The following PAPPA2 variants were observed in gnomAD, a reference collection of about 807,000 sequenced individuals.
PAPPA2 encodes the protein pappalysin-2.
In PAPPA2, 86 loss-of-function variants were observed where a neutral mutation model predicts 176.4. The observed-to-expected ratio is 0.49, with a 90% CI of 0.41 to 0.58. PAPPA2 has a LOEUF of 0.58. PAPPA2 is among the 20% of genes least tolerant of loss of function. PAPPA2 has a pLI of 0.00. For synonymous variants in PAPPA2, 809 were observed against 852.2 expected (o/e 0.95, Z 0.88); for missense variants, 2,073 against 2,256.9 (o/e 0.92, Z 1.65).
intron 3 of PAPPA2, chr1:176,616,502 A>G (rs1335107047): frequency 1.1e-6 from 1 of 946,582 alleles, no homozygotes; most frequent in Non-Finnish European, 1.6e-6. Flanking sequence ...TATAACAACC[A>G]GGTTCTTCAC....
intron 1 of PAPPA2, among the ~76,000 whole-genome samples, chr1:176,524,688 G>A (rs2102542869): frequency 6.6e-6 from 1 of 152,246 alleles, no homozygotes; most frequent in African/African-American, 2.4e-5. Context: ...GAGAGCAGAA[G>A]TCTGGTTCTT....
intron 1 of PAPPA2, among the ~76,000 whole-genome samples, chr1:176,551,621 C>T (rs545960115): frequency 9.2e-5 from 14 of 152,288 alleles, no homozygotes; most frequent in Admixed American, 7.8e-4. Flanking sequence ...GATGACAAAG[C>T]TAATGAAAAC....
At chr1:176,774,789 T>G (rs550692884) in intron 17 of PAPPA2, among the ~76,000 whole-genome samples, 1 of 152,332 alleles carries the variant, frequency 6.6e-6, no homozygotes, top group South Asian at 2.1e-4. Flanking sequence ...AATATTAAGA[T>G]AGTTTCAGTG....
At chr1:176,527,735 A>C (rs2102547204) in intron 1 of PAPPA2, among the ~76,000 whole-genome samples, 1 of 152,268 alleles carries the variant, frequency 6.6e-6, no homozygotes, top group South Asian at 2.1e-4. Flanking sequence ...TTTAGAGCCA[A>C]AAAGAAGTTT....
At chr1:176,698,204 G>T (rs947736107) in intron 7 of PAPPA2, among the ~76,000 whole-genome samples, 2 of 151,810 alleles carry the variant, frequency 1.3e-5, no homozygotes, top group Non-Finnish European at 2.9e-5. Flanking sequence ...GGTAAATGTA[G>T]GTATTTAATT....
At chr1:176,792,947 T>C (rs1665247144) in intron 19 of PAPPA2, among the ~76,000 whole-genome samples, 1 of 152,216 alleles carries the variant, frequency 6.6e-6, no homozygotes. Context: ...TCTCTGCTTC[T>C]GATTCTTCAC....
chr1:176,731,926 T>G (rs577782733), intron 12 of PAPPA2, among the ~76,000 whole-genome samples: 1 of 152,274 alleles, frequency 6.6e-6, no homozygotes, highest in South Asian at 2.1e-4. Flanking sequence ...TTGGGCATAT[T>G]TAAACCTCAT....
chr1:176,783,365 A>G (rs770044442), intron 17 of PAPPA2, among the ~76,000 whole-genome samples: 12 of 152,200 alleles, frequency 7.9e-5, no homozygotes, highest in Non-Finnish European at 1.3e-4. Context: ...CAAATGGAAA[A>G]TAAATGTTAC....
At chr1:176,663,034 C>T (rs956139812) in intron 3 of PAPPA2, among the ~76,000 whole-genome samples, 2 of 152,084 alleles carry the variant, frequency 1.3e-5, no homozygotes, top group African/African-American at 2.4e-5. Flanking sequence ...GGTGCTGTTG[C>T]TATTAGCAGA....
intron 3 of PAPPA2, among the ~76,000 whole-genome samples, chr1:176,670,603 TG>T (rs1484247603): frequency 6.6e-6 from 1 of 152,182 alleles, no homozygotes; most frequent in East Asian, 1.9e-4. Context: ...AACTAAGAGT[TG>T]GAAGGCCTTC....
chr1:176,752,583 A>G lies in PAPPA2; in HGVS notation c.4151+12387A>G, dbSNP rs1248549393. ...CTTGCAATGCCCCAGACTCACAGATAGAGACCTGCAAATTTGTGACATGAA... is the reference window on the plus strand; with the variant it reads ...CTTGCAATGCCCCAGACTCACAGATGGAGACCTGCAAATTTGTGACATGAA... On this transcript the variant is annotated intron_variant, in intron 14 of 22. Transcript: ENST00000367662. 2.0e-5 allele frequency among the ~76,000 whole-genome samples: 3 copies of G among 152,224 alleles called. No homozygotes were observed. The East Asian group carries it at 5.8e-4, about 29-fold the overall frequency.
intron 1 of PAPPA2, among the ~76,000 whole-genome samples, chr1:176,519,971 G>A (rs1572994456): frequency 6.6e-6 from 1 of 152,226 alleles, no homozygotes; most frequent in East Asian, 1.9e-4. Flanking sequence ...AGCTTGGACT[G>A]GGAAAAGCTG....
intron 21 of PAPPA2, among the ~76,000 whole-genome samples, chr1:176,825,650 A>G (rs749237540): frequency 7.2e-5 from 11 of 152,380 alleles, no homozygotes; most frequent in Middle Eastern, 3.4e-3. Flanking sequence ...CATTGCTGCT[A>G]TACCTCAGCT....
intron 2 of PAPPA2, among the ~76,000 whole-genome samples, chr1:176,591,938 C>T (rs1415826986): frequency 6.6e-6 from 1 of 152,204 alleles, no homozygotes; most frequent in Non-Finnish European, 1.5e-5. Context: ...AATGCTAAGG[C>T]TCTCAACTTC....
At chr1:176,649,094 A>G (rs1477562553) in intron 3 of PAPPA2, among the ~76,000 whole-genome samples, 1 of 151,418 alleles carries the variant, frequency 6.6e-6, no homozygotes, top group Non-Finnish European at 1.5e-5. Context: ...ACTTTTTATT[A>G]TGGCTTAAAT....
At chr1:176,566,970 C>T (rs1328332173) in intron 2 of PAPPA2, among the ~76,000 whole-genome samples, 1 of 152,182 alleles carries the variant, frequency 6.6e-6, no homozygotes, top group Non-Finnish European at 1.5e-5. Flanking sequence ...TAAACAAGGA[C>T]ACAGATTCCA....
chr1:176,551,256 T>C (rs1277581164), intron 1 of PAPPA2, among the ~76,000 whole-genome samples: 1 of 152,212 alleles, frequency 6.6e-6, no homozygotes. Flanking sequence ...CAGCACTAGC[T>C]GAATAAGATT....
intron 3 of PAPPA2, among the ~76,000 whole-genome samples, chr1:176,623,673 C>CTTTCTTTCTTTCTTTCTTTT (rs1558479374): frequency 8.8e-6 from 1 of 113,358 alleles, no homozygotes; most frequent in African/African-American, 3.6e-5. Context: ...CTTTCTTTTT[C>CTTTCTTTCTTTCTTTCTTTT]TTTCTTTCTT....
intron 17 of PAPPA2, among the ~76,000 whole-genome samples, chr1:176,779,511 CACACACACAGAGAG>C (rs1282662848): frequency 6.7e-6 from 1 of 148,788 alleles, no homozygotes; most frequent in Non-Finnish European, 1.5e-5. Context: ...CACACACACA[CACACACACAGAGAG>C]AGAGAGAGAG....
Sources: gnomAD v4.1 joint callset for allele counts (sites outside exome capture counted in the v4.1 genomes callset) on GRCh38, gnomAD v4.1.1 for gene constraint, MANE v1.5 for transcripts, NCBI Gene and HGNC (gene_info 2026-07-23, HGNC 2026-07-21) for gene names.